The following AKT3 variants were observed in gnomAD, a reference collection of about 807,000 sequenced individuals.
The protein encoded by AKT3 is AKT serine/threonine kinase 3.
AKT3 carries 15 observed loss-of-function variants against 65.3 expected under a neutral mutation model. The observed-to-expected ratio is 0.23, with a 90% CI of 0.15 to 0.35. The LOEUF (loss-of-function observed/expected upper bound fraction) is 0.35, where lower values mean the gene tolerates loss of function less well. AKT3 is among the 10% of genes least tolerant of loss of function. AKT3 has a pLI of 1.00. For missense variants in AKT3, 243 were observed against 576.5 expected, an observed-to-expected ratio of 0.42 and a Z score of 5.92; for synonymous variants, 206 against 183.8, an observed-to-expected ratio of 1.12 and a Z score of -0.98.
intron 2 of AKT3, among the ~76,000 whole-genome samples, chr1:243,779,782 C>T (rs4132509): frequency 1.3e-5 from 2 of 151,764 alleles, no homozygotes; most frequent in East Asian, 1.9e-4. Flanking sequence ...AAGTATATGA[C>T]GAGACTGGAA....
At chr1:243,761,222 TG>T (rs1301118438) in intron 2 of AKT3, among the ~76,000 whole-genome samples, 1 of 152,140 alleles carries the variant, frequency 6.6e-6, no homozygotes, top group Non-Finnish European at 1.5e-5. Flanking sequence ...AAGCCAAACT[TG>T]AAATTTTCCT....
intron 2 of AKT3, among the ~76,000 whole-genome samples, chr1:243,753,836 TTG>T (rs781778191): frequency 7.2e-5 from 11 of 152,172 alleles, no homozygotes; most frequent in Non-Finnish European, 1.3e-4. Context: ...CAGAACTAAA[TTG>T]AAGGGCTAGA....
intron 2 of AKT3, among the ~76,000 whole-genome samples, chr1:243,804,704 G>A (rs866576091): frequency 9.9e-5 from 15 of 152,030 alleles, no homozygotes; most frequent in South Asian, 2.1e-4. Context: ...AAAATTAGCC[G>A]GGCGTGGTGG....
intron 2 of AKT3, among the ~76,000 whole-genome samples, chr1:243,747,416 T>A (rs563395990): frequency 4.7e-4 from 71 of 152,328 alleles, no homozygotes; most frequent in Non-Finnish European, 9.0e-4. Flanking sequence ...ATGCTTTTTT[T>A]ATTATAGAGT....
chr1:243,533,998 A>G (rs1478743793), intron 12 of AKT3, among the ~76,000 whole-genome samples: 1 of 152,176 alleles, frequency 6.6e-6, no homozygotes, highest in Non-Finnish European at 1.5e-5. Context: ...TCCAAAAACA[A>G]AAAGAAAAAC....
downstream of AKT3, among the ~76,000 whole-genome samples, chr1:243,498,068 T>C (rs534479412): frequency 7.9e-5 from 12 of 152,344 alleles, no homozygotes; most frequent in East Asian, 2.3e-3. Flanking sequence ...AGGAAGCCAC[T>C]GTGTCAAGAG....
At chr1:243,744,759 A>T (rs1037285728) in intron 2 of AKT3, among the ~76,000 whole-genome samples, 1 of 150,966 alleles carries the variant, frequency 6.6e-6, no homozygotes, top group African/African-American at 2.4e-5. Flanking sequence ...AAAAAAAAAA[A>T]ATTATTATAC....
chr1:243,627,063 C>G (rs1206067564), intron 6 of AKT3, among the ~76,000 whole-genome samples: 2 of 152,190 alleles, frequency 1.3e-5, no homozygotes, highest in African/African-American at 4.8e-5. Flanking sequence ...CCAACAAGTT[C>G]TGTGTCGTGC....
At chr1:243,633,219 C>T (rs1047727177) in intron 6 of AKT3, among the ~76,000 whole-genome samples, 1 of 152,096 alleles carries the variant, frequency 6.6e-6, no homozygotes, top group Non-Finnish European at 1.5e-5. Flanking sequence ...AGTTCATTAG[C>T]ACTGGACCTG....
At chr1:243,556,405 A>C (rs188768630) in intron 10 of AKT3, among the ~76,000 whole-genome samples, 53 of 152,266 alleles carry the variant, frequency 3.5e-4, no homozygotes, top group African/African-American at 8.4e-4. Context: ...ACAAAAAAAA[A>C]ACTATTCATT....
chr1:243,498,502 C>T (rs1668614144), downstream of AKT3, among the ~76,000 whole-genome samples: 1 of 152,130 alleles, frequency 6.6e-6, no homozygotes, highest in Non-Finnish European at 1.5e-5. Flanking sequence ...CAGCCTGAGG[C>T]CAGGCCCCCC....
At chr1:243,646,162 T>A (rs1680791396) in intron 4 of AKT3, 125 bp from the exon 5 acceptor site, 2 of 756,384 alleles carry the variant, frequency 2.6e-6, no homozygotes, top group Non-Finnish European at 4.0e-6. Context: ...TCAACACAGA[T>A]AAGCATACAC....
At chr1:243,609,810 C>CT (rs1439050104) in intron 8 of AKT3, among the ~76,000 whole-genome samples, 2 of 152,000 alleles carry the variant, frequency 1.3e-5, no homozygotes, top group African/African-American at 4.8e-5. Context: ...TGAAAATCTG[C>CT]TTTTAGTGTA....
intron 2 of AKT3, among the ~76,000 whole-genome samples, chr1:243,832,949 T>G: frequency 2.0e-5 from 3 of 152,278 alleles, no homozygotes; most frequent in Middle Eastern, 6.8e-3. Context: ...TATTTGTCCA[T>G]TTTCATACTG....
intron 12 of AKT3, among the ~76,000 whole-genome samples, chr1:243,531,174 T>G (rs1256656636): frequency 1.3e-5 from 2 of 152,218 alleles, no homozygotes; most frequent in Non-Finnish European, 2.9e-5. Context: ...CATTGCAGCC[T>G]TGATCTCCTG....
chr1:243,651,270 A>G (rs1009048137), intron 4 of AKT3, among the ~76,000 whole-genome samples: 4 of 152,166 alleles, frequency 2.6e-5, no homozygotes, highest in South Asian at 4.1e-4. Flanking sequence ...CCGAAGTTGC[A>G]TATCAGCTTA....
intron 2 of AKT3, among the ~76,000 whole-genome samples, chr1:243,772,594 G>A (rs908207196): frequency 6.6e-6 from 1 of 152,218 alleles, no homozygotes; most frequent in Non-Finnish European, 1.5e-5. Flanking sequence ...TGGTGGCACT[G>A]TAAACTGGTT....
At chr1:243,634,034 T>A (rs946176981) in intron 6 of AKT3, among the ~76,000 whole-genome samples, 1 of 152,100 alleles carries the variant, frequency 6.6e-6, no homozygotes, top group African/African-American at 2.4e-5. Flanking sequence ...AAGTCATTCC[T>A]TGATATCCAT....
At chr1:243,672,034 T>C (rs1558704410) in intron 3 of AKT3, among the ~76,000 whole-genome samples, 1 of 152,190 alleles carries the variant, frequency 6.6e-6, no homozygotes, top group Non-Finnish European at 1.5e-5. Flanking sequence ...TATGACACTT[T>C]TTCTCATATA....
Sources: gnomAD v4.1 joint callset for allele counts (sites outside exome capture counted in the v4.1 genomes callset) on GRCh38, gnomAD v4.1.1 for gene constraint, MANE v1.5 for transcripts, NCBI Gene and HGNC (gene_info 2026-07-23, HGNC 2026-07-21) for gene names.